The following FHIT variants were observed in gnomAD, a reference collection of about 807,000 sequenced individuals.
FHIT encodes fragile histidine triad diadenosine triphosphatase.
Under a neutral mutation model 17.9 loss-of-function variants are expected in FHIT, and 19 were observed. The observed-to-expected ratio is 1.06, with a 90% CI of 0.74 to 1.56. FHIT has a LOEUF of 1.56. FHIT is among the 40% of genes most tolerant of loss of function. The probability of loss-of-function intolerance (pLI) is 0.00; values close to 1 mark genes in which losing one functional copy is unlikely to be tolerated. For missense variants in FHIT, 248 were observed against 189.2 expected (o/e 1.31, Z -1.82); for synonymous variants, 81 against 69.7 (o/e 1.16, Z -0.81).
At chr3:60,143,371 C>T (rs1298897142) in intron 5 of FHIT, among the ~76,000 whole-genome samples, 1 of 152,118 alleles carries the variant, frequency 6.6e-6, no homozygotes, top group African/African-American at 2.4e-5. Flanking sequence ...TTCTCACCCT[C>T]TGCCTTAAAA....
chr3:60,773,355 C>T (rs1453528927), intron 4 of FHIT, among the ~76,000 whole-genome samples: 1 of 149,212 alleles, frequency 6.7e-6, no homozygotes, highest in Non-Finnish European at 1.5e-5. Context: ...CCAAACATCT[C>T]CCTAGACTTC....
At chr3:60,102,745 C>A (rs1704245029) in intron 5 of FHIT, among the ~76,000 whole-genome samples, 1 of 152,090 alleles carries the variant, frequency 6.6e-6, no homozygotes, top group African/African-American at 2.4e-5. Context: ...CTCATAAAGA[C>A]CATTGTCACT....
At chr3:60,624,615 G>A (rs1553680128) in intron 4 of FHIT, among the ~76,000 whole-genome samples, 2 of 152,116 alleles carry the variant, frequency 1.3e-5, no homozygotes, top group African/African-American at 2.4e-5. Context: ...ACTGGATAAA[G>A]GCAGAATAAA....
At chr3:61,170,549 A>C (rs1208647907) in intron 2 of FHIT, among the ~76,000 whole-genome samples, 1 of 151,888 alleles carries the variant, frequency 6.6e-6, no homozygotes, top group Non-Finnish European at 1.5e-5. Flanking sequence ...AATAGGCCCT[A>C]GTGTGTGTTG....
chr3:60,198,137 G>C (rs1702730226), intron 5 of FHIT, among the ~76,000 whole-genome samples: 1 of 76,872 alleles, frequency 1.3e-5, no homozygotes, highest in Non-Finnish European at 2.6e-5. Flanking sequence ...GTTTAGATGA[G>C]GCAGGAATTT....
intron 8 of FHIT, among the ~76,000 whole-genome samples, chr3:59,881,713 T>C (rs1220848857): frequency 6.6e-6 from 1 of 152,196 alleles, no homozygotes; most frequent in East Asian, 1.9e-4. Context: ...CAATTAAGTT[T>C]AATACAAGAA....
At chr3:60,099,882 T>A (rs990374605) in intron 5 of FHIT, among the ~76,000 whole-genome samples, 11 of 152,214 alleles carry the variant, frequency 7.2e-5, no homozygotes, top group Admixed American at 1.3e-4. Context: ...TCAGACTGTC[T>A]GAGCTGCAGC....
intron 8 of FHIT, among the ~76,000 whole-genome samples, chr3:59,821,559 A>T (rs1303450893): frequency 6.6e-6 from 1 of 152,150 alleles, no homozygotes; most frequent in East Asian, 1.9e-4. Context: ...TGCCTTGCAG[A>T]GTTCTCCCTC....
intron 8 of FHIT, among the ~76,000 whole-genome samples, chr3:59,911,933 G>C (rs1391245233): frequency 6.6e-6 from 1 of 152,194 alleles, no homozygotes; most frequent in African/African-American, 2.4e-5. Context: ...AGACGATGAA[G>C]ATGAGTAAGA....
At chr3:60,486,583 C>T (rs1017525030) in intron 5 of FHIT, among the ~76,000 whole-genome samples, 1 of 152,088 alleles carries the variant, frequency 6.6e-6, no homozygotes, top group African/African-American at 2.4e-5. Flanking sequence ...AGCTAAAGAT[C>T]TATAGGTCAG....
intron 5 of FHIT, among the ~76,000 whole-genome samples, chr3:60,102,972 C>G (rs936484838): frequency 6.6e-6 from 1 of 152,096 alleles, no homozygotes; most frequent in African/African-American, 2.4e-5. Flanking sequence ...CAAATAATTC[C>G]TAGACTTTTT....
At chr3:61,081,526 G>A (rs867701564) in intron 2 of FHIT, among the ~76,000 whole-genome samples, 2 of 152,012 alleles carry the variant, frequency 1.3e-5, no homozygotes, top group African/African-American at 2.4e-5. Flanking sequence ...TCAAATTCTG[G>A]TTTGATGGTC....
rs1553714748 is a variant in FHIT at position 60,744,271 on chromosome 3, A to AAAAAAAAAAC, written c.-18+77647_-18+77648insGTTTTTTTTT. Among the ~76,000 whole-genome samples, 398 of 51,786 alleles carry AAAAAAAAAAC rather than the reference A, an allele frequency of 7.7e-3. 3 individuals are homozygous for AAAAAAAAAAC. The highest frequency in any genetic ancestry group is 0.029 in the East Asian group (28 of 956). 34.0% of individuals were successfully genotyped at this position (51,786 alleles called of 152,430 possible). On this transcript the variant is annotated intron_variant, in intron 4 of 9. Transcript: ENST00000492590. ...TAAAAAAAAAAACAAAACAAAACAA[A>AAAAAAAAAAC]AAAAAAAAAAAACAGAAAGAAAAGA...
intron 5 of FHIT, among the ~76,000 whole-genome samples, chr3:60,347,896 T>C (rs1576514011): frequency 6.6e-6 from 1 of 151,882 alleles, no homozygotes; most frequent in South Asian, 2.1e-4. Context: ...GTAGCTGGGA[T>C]TACAGGCGCC....
chr3:60,493,504 G>A (rs1337398295), intron 5 of FHIT, among the ~76,000 whole-genome samples: 1 of 152,094 alleles, frequency 6.6e-6, no homozygotes, highest in Non-Finnish European at 1.5e-5. Flanking sequence ...TCCCACTATT[G>A]GGGAATATAT....
intron 5 of FHIT, among the ~76,000 whole-genome samples, chr3:60,235,295 G>A (rs1462506544): frequency 1.3e-5 from 2 of 150,482 alleles, no homozygotes; most frequent in Admixed American, 6.6e-5. Context: ...CAATGGCGTG[G>A]TCTCGGCTCA....
At chr3:60,400,602 T>C (rs983929935) in intron 5 of FHIT, among the ~76,000 whole-genome samples, 1 of 152,036 alleles carries the variant, frequency 6.6e-6, no homozygotes, top group South Asian at 2.1e-4. Flanking sequence ...GGTGCTGGCA[T>C]GCACACAGAA....
At chr3:60,473,333 G>A (rs1387951400) in intron 5 of FHIT, among the ~76,000 whole-genome samples, 1 of 152,100 alleles carries the variant, frequency 6.6e-6, no homozygotes, top group African/African-American at 2.4e-5. Flanking sequence ...AGGGCTGAGG[G>A]GAGCTGGAGG....
intron 5 of FHIT, among the ~76,000 whole-genome samples, chr3:60,370,120 T>C (rs781193951): frequency 1.3e-5 from 2 of 152,202 alleles, no homozygotes; most frequent in Non-Finnish European, 2.9e-5. Flanking sequence ...ATTTTACTCA[T>C]AATATGTAAA....
Sources: allele counts gnomAD v4.1 joint callset (sites outside exome capture counted in the v4.1 genomes callset), GRCh38; gene constraint gnomAD v4.1.1; transcripts MANE v1.5; gene names NCBI Gene and HGNC (gene_info 2026-07-23, HGNC 2026-07-21).